SGSM1: variants seen among roughly 807,000 people sequenced by gnomAD.
The protein encoded by SGSM1 is RUN and TBC1 domain containing 2.
In SGSM1, 73 loss-of-function variants were observed where a neutral mutation model predicts 133.8. That is an observed-to-expected ratio of 0.55 (90% CI 0.45 to 0.66). SGSM1 has a LOEUF of 0.66. SGSM1 is among the 30% of genes least tolerant of loss of function. The probability of loss-of-function intolerance (pLI) is 0.00; values close to 1 mark genes in which losing one functional copy is unlikely to be tolerated. For missense variants in SGSM1, 1,213 were observed against 1,448.1 expected, an observed-to-expected ratio of 0.84 and a Z score of 2.64; for synonymous variants, 563 against 573.0, an observed-to-expected ratio of 0.98 and a Z score of 0.25.
rs147055045 is a variant in SGSM1, at chr22:24,807,991, A to T, written c.63+1507A>T. On this transcript the variant is annotated intron_variant, in intron 2 of 24. Transcript: ENST00000400358. Reference sequence around the variant, plus strand: ...GCACATTCTAGCATTTTCGAATGAGACATGCAAAATACATTGGATCCCTCA... The same window carrying T: ...GCACATTCTAGCATTTTCGAATGAGTCATGCAAAATACATTGGATCCCTCA... 8.2e-3 allele frequency among the ~76,000 whole-genome samples: 1,244 copies of T among 152,238 alleles called. 20 individuals carry two copies. Among genetic ancestry groups the T allele is most frequent in the African/African-American group, 0.026 (1,068 of 41,522 alleles).
intron 2 of SGSM1, among the ~76,000 whole-genome samples, chr22:24,837,198 G>A (rs1403913617): frequency 6.6e-6 from 1 of 152,224 alleles, no homozygotes; most frequent in East Asian, 1.9e-4. Context: ...CAAGGCAGAA[G>A]GGGCAGGGTA....
chr22:24,835,659 A>G (rs1929382044), intron 2 of SGSM1, among the ~76,000 whole-genome samples: 1 of 152,112 alleles, frequency 6.6e-6, no homozygotes, highest in Non-Finnish European at 1.5e-5. Flanking sequence ...AGAGCATTCC[A>G]GGCAAAGGGA....
At chr22:24,861,758 G>C (rs528723653) in intron 9 of SGSM1, among the ~76,000 whole-genome samples, 1 of 151,820 alleles carries the variant, frequency 6.6e-6, no homozygotes, top group East Asian at 2.0e-4. Flanking sequence ...GTGTTGGCCA[G>C]GCTGGTCTCG....
At chr22:24,854,492 C>T (rs1298174984) in intron 5 of SGSM1, among the ~76,000 whole-genome samples, 4 of 152,132 alleles carry the variant, frequency 2.6e-5, no homozygotes, top group African/African-American at 7.2e-5. Flanking sequence ...CGCTAAATAC[C>T]TTTAATTTTT....
chr22:24,846,679 A>T (rs1331326140), intron 3 of SGSM1, among the ~76,000 whole-genome samples: 2 of 152,200 alleles, frequency 1.3e-5, no homozygotes, highest in Non-Finnish European at 2.9e-5. Context: ...GGATTAAACT[A>T]TGTCTACAAA....
intron 24 of SGSM1, among the ~76,000 whole-genome samples, chr22:24,920,414 C>T (rs1933963691): frequency 6.6e-6 from 1 of 152,216 alleles, no homozygotes; most frequent in African/African-American, 2.4e-5. Context: ...CCTTTGAAAT[C>T]AGACAGATGC....
At chr22:24,895,090 C>A in intron 17 of SGSM1, 133 bp from the exon 18 acceptor site, 1 of 842,554 alleles carries the variant, frequency 1.2e-6, no homozygotes, top group South Asian at 1.6e-5. Flanking sequence ...GAAACTGATG[C>A]TCTGAGAGAG....
intron 16 of SGSM1, among the ~76,000 whole-genome samples, chr22:24,892,219 C>G (rs559279365): frequency 6.6e-6 from 1 of 152,238 alleles, no homozygotes; most frequent in African/African-American, 2.4e-5. Context: ...GAGGGAGTGG[C>G]TCAGGCGAGG....
chr22:24,899,027 A>C (rs796903867), intron 19 of SGSM1, among the ~76,000 whole-genome samples: 1 of 136,564 alleles, frequency 7.3e-6, no homozygotes, highest in Non-Finnish European at 1.5e-5. Context: ...ATCTCAAAAA[A>C]AAAAAAAAAA....
chr22:24,877,815 T>TTC (rs1303390880), intron 13 of SGSM1, among the ~76,000 whole-genome samples: 1 of 138,826 alleles, frequency 7.2e-6, no homozygotes, highest in Non-Finnish European at 1.6e-5. Context: ...TTTTTTTTTT[T>TTC]TTTTTTTTTT....
At position 24,880,847 on chromosome 22, in the gene SGSM1, C is replaced by G. The variant is rs188303203; in HGVS notation, c.1495+1321C>G. Among the ~76,000 whole-genome samples, 7 of 152,308 alleles carry G rather than the reference C, an allele frequency of 4.6e-5. No homozygotes were observed. In the East Asian group the frequency reaches 1.4e-3, roughly 29 times the overall value. ...CTGGTTTCAGATCCCAGCGATGCGA[C>G]TTGGGCAAGTGACATAACCGGTTTG... On this transcript the variant is annotated intron_variant, in intron 14 of 24. Coordinates refer to ENST00000400358, the MANE Select transcript of SGSM1 (RefSeq NM_001098497.3).
chr22:24,868,231 C>A, intron 10 of SGSM1, 145 bp from the exon 11 acceptor site: 2 of 1,119,234 alleles, frequency 1.8e-6, no homozygotes, highest in Non-Finnish European at 2.5e-6. Context: ...CTGCTCCTGA[C>A]CTTTGCCCAG....
chr22:24,899,593 G>T (rs1395539410), intron 19 of SGSM1, among the ~76,000 whole-genome samples: 2 of 149,670 alleles, frequency 1.3e-5, no homozygotes, highest in Non-Finnish European at 3.0e-5. Context: ...CGTGATCTCG[G>T]CTCACTGCAA....
intron 20 of SGSM1, among the ~76,000 whole-genome samples, chr22:24,903,295 G>A (rs772110175): frequency 1.3e-5 from 2 of 150,872 alleles, no homozygotes; most frequent in African/African-American, 2.4e-5. Context: ...TGCAATCTCC[G>A]CCTCCTGGGT....
chr22:24,825,388 T>A (rs757838137), intron 2 of SGSM1, among the ~76,000 whole-genome samples: 1 of 152,178 alleles, frequency 6.6e-6, no homozygotes, highest in South Asian at 2.1e-4. Context: ...AGTCACCCCC[T>A]CTTCTCCCCG....
intron 14 of SGSM1, among the ~76,000 whole-genome samples, chr22:24,882,271 T>C (rs986318313): frequency 5.3e-5 from 8 of 152,132 alleles, no homozygotes; most frequent in Non-Finnish European, 1.0e-4. Context: ...GGTCTCACTA[T>C]GTTGCCTAGG....
At chr22:24,809,262 G>C (rs1353559708) in intron 2 of SGSM1, among the ~76,000 whole-genome samples, 1 of 152,172 alleles carries the variant, frequency 6.6e-6, no homozygotes, top group Non-Finnish European at 1.5e-5. Context: ...CTAGAAATCT[G>C]AGAGTCAAAT....
chr22:24,891,903 G>A (rs139869717), intron 16 of SGSM1, among the ~76,000 whole-genome samples: 1 of 152,226 alleles, frequency 6.6e-6, no homozygotes, highest in African/African-American at 2.4e-5. Flanking sequence ...AGACCAGCGT[G>A]GTGTGGTGTG....
Position 24,818,736 on chromosome 22 carries a change from G to A in SGSM1, c.63+12252G>A, listed in dbSNP as rs1227706597. On this transcript the variant is annotated intron_variant, in intron 2 of 24. Transcript: ENST00000400358. ...AACACTGGGTCTGTAACTCCCTGCA[G>A]AACGGTGTGATACAGAGATGATTGC... Among the ~76,000 whole-genome samples, 5 of 152,136 alleles carry A rather than the reference G, an allele frequency of 3.3e-5. No individual in the cohort carries two copies. The East Asian group carries it at 9.6e-4, about 29-fold the overall frequency.
Sources: allele counts gnomAD v4.1 joint callset (sites outside exome capture counted in the v4.1 genomes callset), GRCh38; gene constraint gnomAD v4.1.1; transcripts MANE v1.5; gene names NCBI Gene and HGNC (gene_info 2026-07-23, HGNC 2026-07-21).